The following RPTOR variants were observed in gnomAD, a reference collection of about 807,000 sequenced individuals.
RPTOR encodes the protein regulatory associated protein of MTOR complex 1.
RPTOR carries 21 observed loss-of-function variants against 169.9 expected under a neutral mutation model. That is an observed-to-expected ratio of 0.12 (90% CI 0.09 to 0.18). The LOEUF is 0.18. Among genes scored for constraint, RPTOR ranks in the 10% least tolerant of loss-of-function variants. RPTOR has a pLI of 1.00. For synonymous variants in RPTOR, 732 were observed against 753.2 expected (o/e 0.97, Z 0.46); for missense variants, 1,133 against 1,855.9 (o/e 0.61, Z 7.16).
intron 20 of RPTOR, among the ~76,000 whole-genome samples, chr17:80,901,225 G>A (rs2068472447): frequency 6.6e-6 from 1 of 152,078 alleles, no homozygotes; most frequent in Non-Finnish European, 1.5e-5. Context: ...TTCATTTGAG[G>A]GCCACCCAGA....
At chr17:80,927,977 G>C (rs1207255430) in intron 24 of RPTOR, among the ~76,000 whole-genome samples, 11 of 152,148 alleles carry the variant, frequency 7.2e-5, no homozygotes, top group Admixed American at 5.9e-4. Context: ...CCATGTAGGA[G>C]CTGCCATCAC....
chr17:80,900,251 G>C (rs2068458421), intron 20 of RPTOR, among the ~76,000 whole-genome samples: 1 of 152,058 alleles, frequency 6.6e-6, no homozygotes, highest in African/African-American at 2.4e-5. Context: ...CAGCAGCTCT[G>C]GCCTGGTGGT....
At chr17:80,770,811 G>A (rs1237971969) in intron 6 of RPTOR, among the ~76,000 whole-genome samples, 1 of 152,192 alleles carries the variant, frequency 6.6e-6, no homozygotes, top group Non-Finnish European at 1.5e-5. Context: ...AATTTCCCCA[G>A]CAGAACCAGC....
intron 17 of RPTOR, 33 bp downstream of exon 17, chr17:80,885,181 C>T: frequency 6.5e-7 from 1 of 1,545,594 alleles, no homozygotes; most frequent in Non-Finnish European, 8.7e-7. Context: ...AGCAGCAGGG[C>T]ACCCAGGCTG....
chr17:80,837,709 G>A (rs367919316), intron 9 of RPTOR, among the ~76,000 whole-genome samples: 5 of 152,144 alleles, frequency 3.3e-5, no homozygotes, highest in African/African-American at 4.8e-5. Flanking sequence ...CAGCGTTCCC[G>A]GCCTGCACTC....
rs1459612965 is a variant in RPTOR, at chr17:80,965,323, C to G, written c.*993C>G. 1 of 233,182 alleles carries G rather than the reference C, an allele frequency of 4.3e-6. No homozygotes were observed. Among genetic ancestry groups the G allele is most frequent in the Non-Finnish European group, 8.5e-6 (1 of 118,054 alleles). 14.4% of individuals were successfully genotyped at this position (233,182 alleles called of 1,614,324 possible). A position where few individuals can be genotyped will look rare whatever the true frequency, so the allele number is the denominator to read the frequency against. Reference sequence around the variant, plus strand: ...TCCCCACACGTTCCTCACATACAGGCAAGAGGCACTGCCGGGTCCCGGACG... The same window carrying G: ...TCCCCACACGTTCCTCACATACAGGGAAGAGGCACTGCCGGGTCCCGGACG... On this transcript the variant is annotated 3_prime_UTR_variant, in exon 34 of 34. Coordinates refer to ENST00000306801, the MANE Select transcript of RPTOR (RefSeq NM_020761.3).
chr17:80,855,760 G>C lies in RPTOR; in HGVS notation c.1398+213G>C, dbSNP rs549090177. Among the ~76,000 whole-genome samples, 11 of 152,316 alleles carry C rather than the reference G, an allele frequency of 7.2e-5. No individual in the cohort carries two copies. In the East Asian group the frequency reaches 2.1e-3, roughly 29 times the overall value. The stretch of plus-strand genomic sequence containing the variant: ...CAGCCTGCAGTGCTGCCTGGCGTTT[G>C]GGGGTCTGGGGTTGTCGCCCCTCTT... On this transcript the variant is annotated intron_variant, in intron 12 of 33. Coordinates refer to ENST00000306801, the MANE Select transcript of RPTOR (RefSeq NM_020761.3).
At chr17:80,815,888 CTGG>C (rs1298836304) in intron 7 of RPTOR, among the ~76,000 whole-genome samples, 45 of 150,550 alleles carry the variant, frequency 3.0e-4, no homozygotes, top group African/African-American at 6.2e-4. Flanking sequence ...ATCCTCCCGA[CTGG>C]CGAGGTGGCT....
chr17:80,949,325 C>A (rs983246384), intron 27 of RPTOR, 118 bp from the exon 28 acceptor site: 7 of 853,712 alleles, frequency 8.2e-6, no homozygotes, highest in Admixed American at 5.5e-5. Flanking sequence ...GTGAGTCAGG[C>A]TGGCCGCCCA....
intron 6 of RPTOR, among the ~76,000 whole-genome samples, chr17:80,769,206 A>G (rs1216664199): frequency 6.7e-6 from 1 of 149,346 alleles, no homozygotes; most frequent in Non-Finnish European, 1.5e-5. Context: ...GGATGGTGGC[A>G]TGGTGTTGCC....
At chr17:80,728,025 G>A (rs925666532) in intron 4 of RPTOR, among the ~76,000 whole-genome samples, 1 of 152,130 alleles carries the variant, frequency 6.6e-6, no homozygotes, top group Non-Finnish European at 1.5e-5. Context: ...ATGGATGGGC[G>A]GATGGATGGA....
At chr17:80,548,211 G>A (rs1039875397) in intron 1 of RPTOR, among the ~76,000 whole-genome samples, 14 of 149,944 alleles carry the variant, frequency 9.3e-5, no homozygotes, top group African/African-American at 3.4e-4. Context: ...AGCCTCCCCA[G>A]TAGCTGAGAC....
chr17:80,620,799 A>C (rs914754490), intron 1 of RPTOR, among the ~76,000 whole-genome samples: 1 of 152,222 alleles, frequency 6.6e-6, no homozygotes, highest in African/African-American at 2.4e-5. Flanking sequence ...CAAATTTGAA[A>C]TTAGGCTCAC....
At chr17:80,833,756 A>G (rs2067533081) in intron 9 of RPTOR, among the ~76,000 whole-genome samples, 1 of 152,198 alleles carries the variant, frequency 6.6e-6, no homozygotes, top group Non-Finnish European at 1.5e-5. Flanking sequence ...TTGGGAGGCC[A>G]CGGCAGGCAG....
chr17:80,853,545 C>T (rs1335999040), intron 11 of RPTOR, among the ~76,000 whole-genome samples: 3 of 152,178 alleles, frequency 2.0e-5, no homozygotes, highest in Admixed American at 6.6e-5. Flanking sequence ...TAGCACCCAG[C>T]GCAGCACCTG....
At chr17:80,692,090 A>T (rs1254453059) in intron 3 of RPTOR, among the ~76,000 whole-genome samples, 1 of 152,202 alleles carries the variant, frequency 6.6e-6, no homozygotes, top group Non-Finnish European at 1.5e-5. Flanking sequence ...TTAGGCACAG[A>T]TGTCGAGTGA....
chr17:80,594,522 T>C (rs1223965852), intron 1 of RPTOR, among the ~76,000 whole-genome samples: 1 of 152,256 alleles, frequency 6.6e-6, no homozygotes, highest in Admixed American at 6.5e-5. Context: ...CTTGCACTTG[T>C]GCAGAACTGT....
chr17:80,765,080 A>G (rs2066772727), intron 6 of RPTOR, among the ~76,000 whole-genome samples: 1 of 152,242 alleles, frequency 6.6e-6, no homozygotes, highest in Non-Finnish European at 1.5e-5. Context: ...CAGGGGAAAA[A>G]TGCAATAAAC....
At chr17:80,680,979 CG>C (rs1337428862) in intron 3 of RPTOR, among the ~76,000 whole-genome samples, 5 of 151,960 alleles carry the variant, frequency 3.3e-5, no homozygotes, top group African/African-American at 1.2e-4. Flanking sequence ...AACACACAGG[CG>C]GAAGAGGAGA....
Sources: allele counts gnomAD v4.1 joint callset (sites outside exome capture counted in the v4.1 genomes callset), GRCh38; gene constraint gnomAD v4.1.1; transcripts MANE v1.5; gene names NCBI Gene and HGNC (gene_info 2026-07-23, HGNC 2026-07-21).